The following EYS variants were observed in gnomAD, a reference collection of about 807,000 sequenced individuals.
EYS encodes the protein EGF-like photoreceptor maintenance factor.
In EYS, 250 loss-of-function variants were observed where a neutral mutation model predicts 282.1. The ratio of observed to expected loss-of-function variants is 0.89; its 90% CI spans 0.80 to 0.98. EYS has a LOEUF of 0.98. Ranked by LOEUF, EYS falls within the 50% of genes least tolerant of loss-of-function variation. The probability of loss-of-function intolerance (pLI) is 0.00; values close to 1 mark genes in which losing one functional copy is unlikely to be tolerated. For missense variants in EYS, 4,016 were observed against 3,709.0 expected (o/e 1.08, Z -2.15); for synonymous variants, 1,355 against 1,282.9 (o/e 1.06, Z -1.20).
chr6:64,852,070 T>C lies in EYS; in HGVS notation c.2993-29248A>G, dbSNP rs546216685. On this transcript the variant is annotated intron_variant, in intron 19 of 42. Coordinates refer to ENST00000503581, the MANE Select transcript of EYS (RefSeq NM_001142800.2). ...TTTGGGGTAGCCACAATGTAGACAG[T>C]AGTGGGTTGAATAGTGTCCTCCAAA... Among the ~76,000 whole-genome samples the C allele has an allele frequency of 2.0e-5, 3 of 152,212 alleles. No individual in the cohort carries two copies. The South Asian group carries it at 6.2e-4, about 32-fold the overall frequency.
At chr6:63,750,673 T>A (rs1769321194) in intron 41 of EYS, among the ~76,000 whole-genome samples, 1 of 152,220 alleles carries the variant, frequency 6.6e-6, no homozygotes, top group Admixed American at 6.5e-5. Flanking sequence ...TATAGAGGAT[T>A]CCTTCCAGTT....
chr6:65,094,096 ATAAG>A (rs758959982), intron 12 of EYS, among the ~76,000 whole-genome samples: 2 of 151,688 alleles, frequency 1.3e-5, no homozygotes, highest in East Asian at 1.9e-4. Context: ...ATTGAACATA[ATAAG>A]TAATAACTTT....
chr6:64,492,608 T>G (rs1776772436), intron 26 of EYS, among the ~76,000 whole-genome samples: 1 of 151,298 alleles, frequency 6.6e-6, no homozygotes, highest in Non-Finnish European at 1.5e-5. Flanking sequence ...TAATTAACCT[T>G]CTTAAATATT....
At chr6:64,709,770 T>G (rs573439776) in intron 22 of EYS, among the ~76,000 whole-genome samples, 2 of 152,242 alleles carry the variant, frequency 1.3e-5, no homozygotes, top group African/African-American at 4.8e-5. Context: ...ATGTAAGCTA[T>G]GCATTAATAT....
At position 65,143,189 on chromosome 6, in the gene EYS, G is replaced by A. The variant is rs9791242; in HGVS notation, c.2024-85462C>T. Among the ~76,000 whole-genome samples, 49 of 152,000 alleles carry A rather than the reference G, an allele frequency of 3.2e-4. No individual in the cohort carries two copies. The East Asian group carries it at 8.7e-3, about 27-fold the overall frequency. ...ACTCATGCAATGGAATACTATGTGG[G>A]AGTAAAACTTTATGACTTATTAGGA... On this transcript the variant is annotated intron_variant, in intron 12 of 42. Coordinates refer to ENST00000503581, the MANE Select transcript of EYS (RefSeq NM_001142800.2).
intron 2 of EYS, among the ~76,000 whole-genome samples, chr6:65,583,803 T>C (rs1764947821): frequency 6.6e-6 from 1 of 152,044 alleles, no homozygotes; most frequent in Non-Finnish European, 1.5e-5. Context: ...ATTCACAGTT[T>C]ACATGAGTGG....
chr6:64,752,865 C>T lies in EYS; in HGVS notation c.3443+60513G>A, dbSNP rs148997018. 2.6e-3 allele frequency among the ~76,000 whole-genome samples: 398 copies of T among 152,248 alleles called. 3 individuals are homozygous for T. Among genetic ancestry groups the T allele is most frequent in the African/African-American group, 8.8e-3 (367 of 41,552 alleles). The stretch of plus-strand genomic sequence containing the variant: ...AAGACTACTAGAACAGCTGCATACT[C>T]ACAAACTTAAAAACCTAGAGAAAAT... On this transcript the variant is annotated intron_variant, in intron 22 of 42. Transcript: ENST00000503581.
intron 41 of EYS, among the ~76,000 whole-genome samples, chr6:63,759,759 T>A (rs1359924819): frequency 6.6e-6 from 1 of 152,086 alleles, no homozygotes; most frequent in Admixed American, 6.6e-5. Context: ...AAACAAGTAT[T>A]TGAAAACAGG....
chr6:64,023,503 G>A (rs543362593), intron 33 of EYS, among the ~76,000 whole-genome samples: 28 of 152,244 alleles, frequency 1.8e-4, no homozygotes, highest in East Asian at 5.8e-4. Context: ...TACATTGTAC[G>A]GTGTAAAATG....
intron 30 of EYS, among the ~76,000 whole-genome samples, chr6:64,275,230 G>A (rs1274226923): frequency 6.6e-6 from 1 of 152,148 alleles, no homozygotes; most frequent in South Asian, 2.1e-4. Flanking sequence ...ATAAGTTTGC[G>A]ATTGGTGCTA....
chr6:64,977,274 T>C (rs993771474), intron 14 of EYS, among the ~76,000 whole-genome samples: 1 of 151,966 alleles, frequency 6.6e-6, no homozygotes, highest in African/African-American at 2.4e-5. Flanking sequence ...ATTTCAAATG[T>C]TTTCATTATT....
chr6:63,925,834 C>T (rs1195543821), intron 35 of EYS, among the ~76,000 whole-genome samples: 5 of 151,916 alleles, frequency 3.3e-5, no homozygotes, highest in African/African-American at 4.8e-5. Context: ...TTAGTAGAGA[C>T]GGGGTTTCAC....
intron 29 of EYS, among the ~76,000 whole-genome samples, chr6:64,310,878 C>A (rs1347941843): frequency 6.6e-6 from 1 of 152,030 alleles, no homozygotes; most frequent in Non-Finnish European, 1.5e-5. Context: ...TTGAATTTAT[C>A]ATTTATATAA....
intron 26 of EYS, among the ~76,000 whole-genome samples, chr6:64,500,038 T>G (rs1377923021): frequency 1.3e-5 from 2 of 151,998 alleles, no homozygotes; most frequent in Non-Finnish European, 2.9e-5. Flanking sequence ...GGAAACAAAT[T>G]TATATGGGGT....
intron 12 of EYS, among the ~76,000 whole-genome samples, chr6:65,229,485 G>A (rs988132462): frequency 3.0e-4 from 45 of 151,256 alleles, no homozygotes; most frequent in Admixed American, 2.6e-3. Flanking sequence ...CAATTGTATA[G>A]AAAATAACAT....
At chr6:64,173,120 G>T (rs1448323470) in intron 31 of EYS, among the ~76,000 whole-genome samples, 1 of 152,136 alleles carries the variant, frequency 6.6e-6, no homozygotes, top group Non-Finnish European at 1.5e-5. Context: ...GAAACTCATA[G>T]TCTTGAGTAT....
chr6:64,097,295 T>G (rs1256971875), intron 31 of EYS, among the ~76,000 whole-genome samples: 2 of 152,186 alleles, frequency 1.3e-5, no homozygotes, highest in Non-Finnish European at 2.9e-5. Flanking sequence ...GACAGGGACA[T>G]TTAAGTCTGC....
chr6:64,507,884 G>C (rs1478698859), intron 26 of EYS, among the ~76,000 whole-genome samples: 2 of 152,152 alleles, frequency 1.3e-5, no homozygotes, highest in Non-Finnish European at 2.9e-5. Context: ...AAAGAGGTCA[G>C]AAAGAATGGA....
At chr6:64,107,289 A>T (rs867759060) in intron 31 of EYS, among the ~76,000 whole-genome samples, 3 of 104,214 alleles carry the variant, frequency 2.9e-5, no homozygotes, top group Admixed American at 9.1e-5. Context: ...ATATATTTAT[A>T]TATATATATA....
Sources: allele counts gnomAD v4.1 joint callset (sites outside exome capture counted in the v4.1 genomes callset), GRCh38; gene constraint gnomAD v4.1.1; transcripts MANE v1.5; gene names NCBI Gene and HGNC (gene_info 2026-07-23, HGNC 2026-07-21).